Variants in SCGB2B2 observed in about 807,000 individuals in gnomAD.
SCGB2B2 encodes secretoglobin-like protein.
A neutral mutation model predicts 7.6 loss-of-function variants in SCGB2B2; 11 were observed. That is an observed-to-expected ratio of 1.45 (90% CI 0.91 to 2.40). The LOEUF (loss-of-function observed/expected upper bound fraction) is 2.40. Among genes scored for constraint, SCGB2B2 ranks in the 30% most tolerant of loss-of-function variants. The probability of loss-of-function intolerance (pLI) is 0.00; values close to 1 mark genes in which losing one functional copy is unlikely to be tolerated. For missense variants in SCGB2B2, 104 were observed against 115.4 expected (o/e 0.90, Z 0.45); for synonymous variants, 50 against 48.6 (o/e 1.03, Z -0.12).
downstream of SCGB2B2, among the ~76,000 whole-genome samples, chr19:34,589,237 C>T (rs1365317311): frequency 1.3e-5 from 2 of 152,122 alleles, no homozygotes; most frequent in Non-Finnish European, 2.9e-5. Context: ...GGGAGGCTGA[C>T]TTCAGGCAGG....
chr19:34,655,832 A>T (rs1002056928), intron 1 of SCGB2B2, among the ~76,000 whole-genome samples: 1 of 151,206 alleles, frequency 6.6e-6, no homozygotes, highest in Admixed American at 6.6e-5. Flanking sequence ...TCTACAATCC[A>T]GTAAGACATG....
At chr19:34,611,846 G>A (rs1318873783) in intron 1 of SCGB2B2, among the ~76,000 whole-genome samples, 2 of 151,296 alleles carry the variant, frequency 1.3e-5, no homozygotes, top group African/African-American at 2.4e-5. Context: ...TAGAGACTGG[G>A]TTTCACTATA....
intron 1 of SCGB2B2, chr19:34,608,861 C>T (rs182847175): frequency 3.8e-4 from 58 of 151,426 alleles, no homozygotes; most frequent in African/African-American, 1.3e-3. Flanking sequence ...TGATATTGCT[C>T]GATCATATGG....
chr19:34,625,033 G>C (rs2066331794), intron 1 of SCGB2B2, among the ~76,000 whole-genome samples: 1 of 152,184 alleles, frequency 6.6e-6, no homozygotes, highest in Non-Finnish European at 1.5e-5. Context: ...CACCAGTGTT[G>C]CATTCTTGTT....
At chr19:34,629,041 C>T (rs919824370) in intron 1 of SCGB2B2, among the ~76,000 whole-genome samples, 1 of 151,846 alleles carries the variant, frequency 6.6e-6, no homozygotes, top group Non-Finnish European at 1.5e-5. Context: ...TCAATAGATG[C>T]AGAAAAGGCC....
At chr19:34,586,187 T>C (rs772309303), downstream of SCGB2B2, among the ~76,000 whole-genome samples, 1 of 152,232 alleles carries the variant, frequency 6.6e-6, no homozygotes, top group Non-Finnish European at 1.5e-5. Context: ...CTTCTCTTCA[T>C]TAATCTATTA....
intron 1 of SCGB2B2, among the ~76,000 whole-genome samples, chr19:34,655,077 A>G (rs1416041027): frequency 6.6e-6 from 1 of 151,338 alleles, no homozygotes; most frequent in Non-Finnish European, 1.5e-5. Context: ...ATAGGACAAG[A>G]GTTTAATGAA....
chr19:34,628,364 T>TA (rs1258738458), intron 1 of SCGB2B2, among the ~76,000 whole-genome samples: 1 of 151,882 alleles, frequency 6.6e-6, no homozygotes, highest in Non-Finnish European at 1.5e-5. Flanking sequence ...ACAAAATTGA[T>TA]AGACTGCTAG....
rs571668589 is a variant in SCGB2B2 at position 34,648,292 on chromosome 19, A to C, written c.-2032+27338T>G. 3.9e-5 allele frequency among the ~76,000 whole-genome samples: 6 copies of C among 152,308 alleles called. No homozygotes were observed. The South Asian group carries it at 6.2e-4, about 16-fold the overall frequency. On this transcript the variant is annotated intron_variant, in intron 1 of 3. Coordinates refer to ENST00000601241, the MANE Select transcript of SCGB2B2 (RefSeq NM_001025591.4). ...TCCATGGAGATAAAGACAAGAATAA[A>C]TCTCATGTTATTTAATTCAGACACA...
intron 1 of SCGB2B2, among the ~76,000 whole-genome samples, chr19:34,629,376 G>A (rs181058471): frequency 4.5e-4 from 69 of 152,062 alleles, no homozygotes; most frequent in African/African-American, 1.5e-3. Flanking sequence ...AAACCCCATC[G>A]TCTCAGCCCA....
intron 1 of SCGB2B2, among the ~76,000 whole-genome samples, chr19:34,614,762 A>G (rs2066024800): frequency 6.6e-6 from 1 of 152,196 alleles, no homozygotes; most frequent in African/African-American, 2.4e-5. Context: ...TGCTTTCATA[A>G]AGTAAGACTT....
chr19:34,635,095 T>A (rs528356630), intron 1 of SCGB2B2: 1 of 290,330 alleles, frequency 3.4e-6, no homozygotes, highest in Admixed American at 3.8e-5. Flanking sequence ...ACTACACTTA[T>A]AAGGCTTTGC....
chr19:34,673,814 A>G (rs1157852062), intron 1 of SCGB2B2, among the ~76,000 whole-genome samples: 2 of 152,102 alleles, frequency 1.3e-5, no homozygotes, highest in Non-Finnish European at 2.9e-5. Context: ...TCAACTATAA[A>G]CACCCCATGA....
At chr19:34,599,380 ACT>A (rs1380820684) in intron 1 of SCGB2B2, among the ~76,000 whole-genome samples, 4 of 152,092 alleles carry the variant, frequency 2.6e-5, no homozygotes, top group Non-Finnish European at 5.9e-5. Context: ...CATACTTGAG[ACT>A]CTGCAGTTTA....
downstream of SCGB2B2, among the ~76,000 whole-genome samples, chr19:34,588,122 T>C (rs781369010): frequency 6.6e-6 from 1 of 152,240 alleles, no homozygotes; most frequent in African/African-American, 2.4e-5. Flanking sequence ...TCCTAAATAT[T>C]TGGCGGAATT....
chr19:34,642,819 T>C (rs906294511), intron 1 of SCGB2B2, among the ~76,000 whole-genome samples: 3 of 141,194 alleles, frequency 2.1e-5, no homozygotes, highest in African/African-American at 7.9e-5. Flanking sequence ...ATGCTCAGAA[T>C]CACAAATTAT....
intron 1 of SCGB2B2, among the ~76,000 whole-genome samples, chr19:34,599,175 A>C (rs930114179): frequency 2.6e-5 from 4 of 152,220 alleles, no homozygotes; most frequent in Non-Finnish European, 5.9e-5. Context: ...GAGGCTTTCT[A>C]GAAGGGCCTG....
intron 1 of SCGB2B2, among the ~76,000 whole-genome samples, chr19:34,607,613 C>G (rs960353849): frequency 2.0e-5 from 3 of 152,158 alleles, no homozygotes; most frequent in African/African-American, 7.2e-5. Context: ...CAAACACTTA[C>G]GATTTCTTGT....
intron 1 of SCGB2B2, among the ~76,000 whole-genome samples, chr19:34,631,181 G>C (rs1363028628): frequency 3.9e-5 from 6 of 151,976 alleles, no homozygotes; most frequent in Non-Finnish European, 7.4e-5. Context: ...GAGTTAACGG[G>C]TGCAGCACAC....
Sources: allele counts gnomAD v4.1 joint callset (sites outside exome capture counted in the v4.1 genomes callset), GRCh38; gene constraint gnomAD v4.1.1; transcripts MANE v1.5; gene names NCBI Gene and HGNC (gene_info 2026-07-23, HGNC 2026-07-21).